The following NRXN3 variants were observed in gnomAD, a reference collection of about 807,000 sequenced individuals.
The protein encoded by NRXN3 is neurexin 3.
Under a neutral mutation model 137.6 loss-of-function variants are expected in NRXN3, and 32 were observed. That is an observed-to-expected ratio of 0.23 (90% confidence interval 0.18 to 0.31). NRXN3 has a LOEUF of 0.31. Ranked by LOEUF, NRXN3 falls within the 10% of genes least tolerant of loss-of-function variation. The probability of loss-of-function intolerance (pLI) is 1.00; values close to 1 mark genes in which losing one functional copy is unlikely to be tolerated. For synonymous variants in NRXN3, 798 were observed against 784.5 expected (o/e 1.02, Z -0.29); for missense variants, 1,574 against 2,062.5 (o/e 0.76, Z 4.59).
At chr14:78,784,116 G>T (rs2098780624) in intron 8 of NRXN3, among the ~76,000 whole-genome samples, 1 of 151,660 alleles carries the variant, frequency 6.6e-6, no homozygotes, top group Non-Finnish European at 1.5e-5. Flanking sequence ...TATTTTCGGT[G>T]TTGTCATGAA....
chr14:78,217,085 C>T (rs982361498), intron 1 of NRXN3, among the ~76,000 whole-genome samples: 1 of 152,198 alleles, frequency 6.6e-6, no homozygotes, highest in African/African-American at 2.4e-5. Flanking sequence ...ATGTCTTTCT[C>T]AGCCCACAAC....
At chr14:79,441,411 G>A (rs768644465) in intron 15 of NRXN3, among the ~76,000 whole-genome samples, 46 of 113,934 alleles carry the variant, frequency 4.0e-4, no homozygotes, top group South Asian at 3.3e-3. Context: ...ACGGAGTCTC[G>A]CTCTGTTGTC....
intron 15 of NRXN3, among the ~76,000 whole-genome samples, chr14:79,128,242 C>T: frequency 9.2e-6 from 1 of 108,614 alleles, no homozygotes; most frequent in African/African-American, 4.0e-5. Flanking sequence ...AGAGGGCATC[C>T]CTGTCTTGTG....
At chr14:79,779,412 C>T (rs1450805429) in intron 19 of NRXN3, among the ~76,000 whole-genome samples, 1 of 152,190 alleles carries the variant, frequency 6.6e-6, no homozygotes, top group African/African-American at 2.4e-5. Context: ...CATGCCCGGC[C>T]AATCAATTGT....
intron 15 of NRXN3, among the ~76,000 whole-genome samples, chr14:79,090,903 A>T (rs892919715): frequency 6.6e-6 from 1 of 152,134 alleles, no homozygotes; most frequent in Admixed American, 6.6e-5. Flanking sequence ...GGAAACATAA[A>T]GCCCCAAATT....
intron 4 of NRXN3, among the ~76,000 whole-genome samples, chr14:78,377,091 G>A (rs527951470): frequency 3.5e-4 from 54 of 152,272 alleles, no homozygotes; most frequent in Non-Finnish European, 6.3e-4. Flanking sequence ...TACATTAAAT[G>A]TAAATGGCTT....
rs116233576 is a variant in NRXN3, at chr14:79,243,766, A to C, written c.3263-223455A>C. ...TGTCTGGATATATCTAAACATAGAA[A>C]AGGGATAGCAAAAACATGGTATTGT... On this transcript the variant is annotated intron_variant, in intron 15 of 20. Transcript: ENST00000335750. 6.8e-3 allele frequency among the ~76,000 whole-genome samples: 1,034 copies of C among 152,248 alleles called. 7 individuals carry two copies. The highest frequency in any genetic ancestry group is 0.023 in the African/African-American group (971 of 41,540).
intron 19 of NRXN3, among the ~76,000 whole-genome samples, chr14:79,790,170 A>C (rs2099140747): frequency 1.3e-5 from 2 of 152,126 alleles, no homozygotes; most frequent in Admixed American, 1.3e-4. Context: ...TATTTGGCTC[A>C]CAGTCTGTAG....
intron 15 of NRXN3, among the ~76,000 whole-genome samples, chr14:79,270,432 T>A (rs768816352): frequency 6.6e-6 from 1 of 152,234 alleles, no homozygotes; most frequent in Non-Finnish European, 1.5e-5. Flanking sequence ...TAAGGAATAT[T>A]GTCGTTTTCA....
At chr14:78,391,869 G>T (rs1017778485) in intron 4 of NRXN3, among the ~76,000 whole-genome samples, 1 of 152,102 alleles carries the variant, frequency 6.6e-6, no homozygotes. Context: ...TAAGAAAAAT[G>T]CTTCTAGTAT....
intron 8 of NRXN3, among the ~76,000 whole-genome samples, chr14:78,762,903 T>C (rs1346137081): frequency 6.6e-6 from 1 of 152,178 alleles, no homozygotes; most frequent in African/African-American, 2.4e-5. Flanking sequence ...ACAGTGCCAT[T>C]TGAATTTAGT....
At chr14:79,031,640 G>A (rs12880287) in intron 15 of NRXN3, among the ~76,000 whole-genome samples, 87,197 of 151,888 alleles carry the variant, frequency 0.57, 26,244 homozygotes, top group East Asian at 0.81. Flanking sequence ...ATTCCATCTG[G>A]TGTAGCCAAA....
Position 78,682,118 on chromosome 14 carries a change from G to C in NRXN3, c.1222-27099G>C, listed in dbSNP as rs112065287. Among the ~76,000 whole-genome samples the C allele has an allele frequency of 5.8e-3, 887 of 151,984 alleles. 8 individuals are homozygous for C. The highest frequency in any genetic ancestry group is 0.021 in the African/African-American group (855 of 41,464). On this transcript the variant is annotated intron_variant, in intron 6 of 20. Coordinates refer to ENST00000335750, the MANE Select transcript of NRXN3 (RefSeq NM_001330195.2). ...CTTGACCTTGTGATCCACCTGCCTC[G>C]GCCTCCCAAAGTGCTGGGATTACAG... is the stretch of plus-strand genomic sequence containing the variant.
chr14:79,156,110 C>T (rs2060232161), intron 15 of NRXN3, among the ~76,000 whole-genome samples: 1 of 151,800 alleles, frequency 6.6e-6, no homozygotes, highest in South Asian at 2.1e-4. Flanking sequence ...CAACAAGAAA[C>T]TACTAAATGA....
At chr14:78,277,370 T>C (rs1263355693) in intron 2 of NRXN3, among the ~76,000 whole-genome samples, 3 of 152,196 alleles carry the variant, frequency 2.0e-5, no homozygotes, top group African/African-American at 4.8e-5. Flanking sequence ...ATGATCACTT[T>C]AATCTGCAAA....
rs1024265712 is a variant in NRXN3, at chr14:79,857,283, G to A, written c.4094-4059G>A. 9.9e-5 allele frequency among the ~76,000 whole-genome samples: 15 copies of A among 152,230 alleles called. 1 individual carries two copies. The highest frequency in any genetic ancestry group is 8.5e-4 in the Admixed American group (13 of 15,300). The stretch of plus-strand genomic sequence containing the variant: ...GTCGCCCAGGCTGGAGTGCAGTGGC[G>A]TGATCTCGGCTCACTGCAAGCTCTG... On this transcript the variant is annotated intron_variant, in intron 20 of 20. Coordinates refer to ENST00000335750, the MANE Select transcript of NRXN3 (RefSeq NM_001330195.2).
At chr14:79,631,524 C>T (rs1040770418) in intron 16 of NRXN3, among the ~76,000 whole-genome samples, 2 of 152,232 alleles carry the variant, frequency 1.3e-5, no homozygotes, top group Non-Finnish European at 2.9e-5. Flanking sequence ...CTCCGTGGCC[C>T]CGCACTGGGC....
At chr14:78,823,417 C>T (rs2098956910) in intron 10 of NRXN3, among the ~76,000 whole-genome samples, 1 of 152,192 alleles carries the variant, frequency 6.6e-6, no homozygotes, top group Admixed American at 6.5e-5. Context: ...TCTGCTCATC[C>T]TTCATAACAG....
chr14:79,723,010 T>C (rs1275371685), intron 19 of NRXN3, among the ~76,000 whole-genome samples: 1 of 152,062 alleles, frequency 6.6e-6, no homozygotes, highest in Non-Finnish European at 1.5e-5. Flanking sequence ...TTAGTCAGAG[T>C]TATTTGTGTG....
Sources: gnomAD v4.1 joint callset for allele counts (sites outside exome capture counted in the v4.1 genomes callset) on GRCh38, gnomAD v4.1.1 for gene constraint, MANE v1.5 for transcripts, NCBI Gene and HGNC (gene_info 2026-07-23, HGNC 2026-07-21) for gene names.